ABCA13: variants seen among roughly 807,000 people sequenced by gnomAD.
ABCA13 encodes the protein ATP binding cassette subfamily A member 13, also known as ATP-binding cassette sub-family A member 13.
Under a neutral mutation model 478.7 loss-of-function variants are expected in ABCA13, and 476 were observed. That is an observed-to-expected ratio of 0.99 (90% confidence interval 0.92 to 1.07). The LOEUF (loss-of-function observed/expected upper bound fraction) is 1.07, where lower values mean the gene tolerates loss of function less well. Among genes scored for constraint, ABCA13 ranks in the 50% least tolerant of loss-of-function variants. ABCA13 has a pLI of 0.00. For missense variants in ABCA13, 6,060 were observed against 5,910.6 expected, an observed-to-expected ratio of 1.03 and a Z score of -0.83; for synonymous variants, 2,252 against 2,158.9, an observed-to-expected ratio of 1.04 and a Z score of -1.20.
At chr7:48,494,474 G>A (rs1235485662) in intron 48 of ABCA13, among the ~76,000 whole-genome samples, 1 of 152,124 alleles carries the variant, frequency 6.6e-6, no homozygotes, top group African/African-American at 2.4e-5. Flanking sequence ...CCGAGTGAAG[G>A]TAAAGGGGCA....
chr7:48,193,167 T>G, intron 2 of ABCA13, 115 bp downstream of exon 2: 1 of 749,554 alleles, frequency 1.3e-6, no homozygotes, highest in South Asian at 1.8e-5. Flanking sequence ...ATAGATAGGG[T>G]TTCATTATGA....
At position 48,517,272 on chromosome 7, in the gene ABCA13, A is replaced by G. The variant is rs571134821; in HGVS notation, c.13797+391A>G. 2.6e-4 allele frequency among the ~76,000 whole-genome samples: 39 copies of G among 152,278 alleles called. No homozygotes were observed. The South Asian group carries it at 2.9e-3, about 11-fold the overall frequency. ...TTCACCATCGTTTGGGTCAGACACTACAAGATAGAATGGGCCACACAACAC... is the reference window on the plus strand; with the variant it reads ...TTCACCATCGTTTGGGTCAGACACTGCAAGATAGAATGGGCCACACAACAC... On this transcript the variant is annotated intron_variant, in intron 52 of 61. Transcript: ENST00000435803.
At chr7:48,589,134 T>C (rs1357646187) in intron 57 of ABCA13, among the ~76,000 whole-genome samples, 1 of 152,184 alleles carries the variant, frequency 6.6e-6, no homozygotes, top group Non-Finnish European at 1.5e-5. Context: ...GAAATACATC[T>C]TACAGTTTGG....
intron 54 of ABCA13, among the ~76,000 whole-genome samples, chr7:48,526,759 A>T (rs1200886147): frequency 6.6e-6 from 1 of 152,174 alleles, no homozygotes; most frequent in Admixed American, 6.5e-5. Flanking sequence ...ATCTTGTAAG[A>T]TGACCATTGT....
intron 37 of ABCA13, among the ~76,000 whole-genome samples, chr7:48,390,986 G>A (rs1405479581): frequency 1.3e-5 from 2 of 152,160 alleles, no homozygotes; most frequent in African/African-American, 4.8e-5. Context: ...TGTGGTAGGG[G>A]CATGTTTAAC....
At chr7:48,603,212 A>G (rs1342592227) in intron 58 of ABCA13, among the ~76,000 whole-genome samples, 1 of 152,094 alleles carries the variant, frequency 6.6e-6, no homozygotes, top group African/African-American at 2.4e-5. Context: ...CTAACTGAAT[A>G]TGCTTTATTT....
intron 47 of ABCA13, among the ~76,000 whole-genome samples, chr7:48,487,864 A>G (rs1829485133): frequency 6.6e-6 from 1 of 152,188 alleles, no homozygotes; most frequent in Non-Finnish European, 1.5e-5. Flanking sequence ...GATGACATGG[A>G]CACACCTCTG....
At chr7:48,236,762 G>GCCATACAA (rs1790013831) in intron 8 of ABCA13, among the ~76,000 whole-genome samples, 1 of 152,168 alleles carries the variant, frequency 6.6e-6, no homozygotes, top group Admixed American at 6.5e-5. Flanking sequence ...AATCTCACTT[G>GCCATACAA]CCATACAACA....
In ABCA13 at chr7:48,275,002, A is replaced by G. The variant is rs1433031098; in HGVS notation, c.5336A>G (p.His1779Arg). 6.2e-7 allele frequency: 1 copy of G among 1,613,968 alleles called. No homozygotes were observed. Among genetic ancestry groups the G allele is most frequent in the Admixed American group, 1.7e-5 (1 of 60,002 alleles). The part of the protein sequence containing the change: ...LKDVYSFTLL[H>R]GITISNITKE... ...GATGTCTACAGCTTCACACTCCTTC[A>G]TGGCATAACCATTTCAAATATCACC... The change falls in exon 17 of 62, where the codon CAT becomes CGT. Residue 1779 changes from histidine to arginine, a missense_variant. By Grantham distance (29) the His-to-Arg change is conservative. Around this residue, in one of 3 missense-constraint regions of ABCA13, gnomAD observed 4,423 missense variants for 4,309.1 expected, o/e 1.03. Transcript: ENST00000435803.
intron 58 of ABCA13, among the ~76,000 whole-genome samples, 161 bp from the exon 59 acceptor site, chr7:48,615,124 G>T (rs1792436600): frequency 6.6e-6 from 1 of 151,046 alleles, no homozygotes; most frequent in East Asian, 1.9e-4. Context: ...AAACCTTATT[G>T]TTTTCAAAAG....
intron 42 of ABCA13, among the ~76,000 whole-genome samples, chr7:48,431,492 A>G (rs1822147083): frequency 6.6e-6 from 1 of 152,226 alleles, no homozygotes; most frequent in African/African-American, 2.4e-5. Flanking sequence ...GGTGTGTTCT[A>G]TAGACATCTG....
intron 51 of ABCA13, among the ~76,000 whole-genome samples, chr7:48,516,452 G>C (rs1832118216): frequency 1.3e-5 from 2 of 152,078 alleles, no homozygotes; most frequent in African/African-American, 4.8e-5. Context: ...TGTTTTACTA[G>C]ATGGCCCCAA....
chr7:48,201,829 C>T (rs1162320133), intron 3 of ABCA13, among the ~76,000 whole-genome samples: 6 of 152,120 alleles, frequency 3.9e-5, no homozygotes, highest in Non-Finnish European at 8.8e-5. Context: ...CGCAGACCCT[C>T]ATGGTAAGTG....
At chr7:48,239,527 T>C (rs1790493893) in intron 9 of ABCA13, 122 bp downstream of exon 9, 6 of 1,181,040 alleles carry the variant, frequency 5.1e-6, no homozygotes, top group Non-Finnish European at 6.9e-6. Flanking sequence ...GGAAAGGGCC[T>C]TAGGAGCCCC....
At chr7:48,340,254 G>A (rs967423507) in intron 29 of ABCA13, among the ~76,000 whole-genome samples, 4 of 151,934 alleles carry the variant, frequency 2.6e-5, no homozygotes, top group Non-Finnish European at 4.4e-5. Context: ...CTACAGGTGC[G>A]CACCGCCATG....
intron 15 of ABCA13, among the ~76,000 whole-genome samples, chr7:48,263,451 G>A (rs1001598117): frequency 2.0e-5 from 3 of 151,848 alleles, no homozygotes; most frequent in African/African-American, 7.2e-5. Flanking sequence ...CATGGGTTTT[G>A]GAAGCAGATG....
At chr7:48,639,448 C>T (rs1212629479) in intron 59 of ABCA13, among the ~76,000 whole-genome samples, 1 of 152,190 alleles carries the variant, frequency 6.6e-6, no homozygotes, top group Non-Finnish European at 1.5e-5. Flanking sequence ...TAGTCTGAGG[C>T]AGCGGGGACC....
chr7:48,193,123 G>T, intron 2 of ABCA13, 71 bp downstream of exon 2: 3 of 1,122,556 alleles, frequency 2.7e-6, no homozygotes, highest in South Asian at 2.9e-5. Flanking sequence ...ACTCTTTCTT[G>T]TTTTTTATAA....
Position 48,274,962 on chromosome 7 carries a change from A to C in ABCA13, c.5296A>C (p.Thr1766Pro), listed in dbSNP as rs769653643. ...LLQGVPGKNI[T>P]EGLKDVYSFT... ...GCAGGGAGTACCTGGTAAAAACATC[A>C]CTGAAGGCCTCAAGGATGTCTACAG... is the stretch of plus-strand genomic sequence containing the variant. The change falls in exon 17 of 62, where the codon ACT becomes CCT. Residue 1766 changes from threonine (T) to proline (P), a missense_variant. Physicochemically the swap from Thr to Pro is conservative, Grantham distance 38 (BLOSUM62 -1). Coordinates refer to ENST00000435803, the MANE Select transcript of ABCA13 (RefSeq NM_152701.5). 6.2e-7 allele frequency: 1 copy of C among 1,613,892 alleles called. No individual in the cohort carries two copies. Among genetic ancestry groups the C allele is most frequent in the Non-Finnish European group, 8.5e-7 (1 of 1,179,776 alleles).
Sources: allele counts gnomAD v4.1 joint callset (sites outside exome capture counted in the v4.1 genomes callset), GRCh38; gene constraint gnomAD v4.1.1; regional missense constraint gnomAD v4.1.1; transcripts MANE v1.5; gene names NCBI Gene and HGNC (gene_info 2026-07-23, HGNC 2026-07-21).